Variants in BCAR3 observed in about 807,000 individuals in gnomAD.
BCAR3 encodes the protein BCAR3 adaptor protein, NSP family member.
A neutral mutation model predicts 80.1 loss-of-function variants in BCAR3; 37 were observed. The ratio of observed to expected loss-of-function variants is 0.46; its 90% CI spans 0.36 to 0.61. The LOEUF (loss-of-function observed/expected upper bound fraction) is 0.61, where lower values mean the gene tolerates loss of function less well. BCAR3 is among the 20% of genes least tolerant of loss of function. BCAR3 has a pLI of 0.00. For synonymous variants in BCAR3, 389 were observed against 418.9 expected (o/e 0.93, Z 0.87); for missense variants, 978 against 1,068.2 (o/e 0.92, Z 1.18).
At chr1:93,820,581 G>A (rs984256669) in intron 2 of BCAR3, among the ~76,000 whole-genome samples, 1 of 152,210 alleles carries the variant, frequency 6.6e-6, no homozygotes, top group Non-Finnish European at 1.5e-5. Flanking sequence ...CATAGGGCAA[G>A]GTATGTGGGA....
intron 2 of BCAR3, among the ~76,000 whole-genome samples, chr1:93,663,491 G>C (rs568078514): frequency 1.3e-5 from 2 of 152,180 alleles, no homozygotes; most frequent in Non-Finnish European, 2.9e-5. Context: ...ATGATACCTG[G>C]AAAGATGTTA....
At chr1:93,749,118 G>A (rs1004213968) in intron 2 of BCAR3, among the ~76,000 whole-genome samples, 2 of 151,268 alleles carry the variant, frequency 1.3e-5, no homozygotes, top group African/African-American at 4.9e-5. Context: ...TGGTATGTGT[G>A]TGGGCCCCCA....
At chr1:93,678,023 C>G (rs1648574626) in intron 1 of BCAR3, among the ~76,000 whole-genome samples, 1 of 152,152 alleles carries the variant, frequency 6.6e-6, no homozygotes, top group Admixed American at 6.5e-5. Flanking sequence ...CTATAAGGAC[C>G]AAAGCAAGGA....
At chr1:93,676,378 G>A (rs780969849) in intron 1 of BCAR3, among the ~76,000 whole-genome samples, 1 of 152,236 alleles carries the variant, frequency 6.6e-6, no homozygotes. Context: ...GCTTCCACAT[G>A]AGATAGGGGA....
At chr1:93,563,299 A>G (rs1045489967) in intron 11 of BCAR3, among the ~76,000 whole-genome samples, 1 of 152,224 alleles carries the variant, frequency 6.6e-6, no homozygotes, top group African/African-American at 2.4e-5. Flanking sequence ...AAATGGAATC[A>G]TCCACTATGA....
At position 93,691,503 on chromosome 1, in the gene BCAR3, A is replaced by T. The variant is rs78129607; in HGVS notation, c.-12+14589T>A. Among the ~76,000 whole-genome samples, 689 of 152,292 alleles carry T rather than the reference A, an allele frequency of 4.5e-3. 8 individuals are homozygous for T. The highest frequency in any genetic ancestry group is 0.016 in the African/African-American group (661 of 41,572). ...AGGAGTTATCATTCTACAAAGCAGG[A>T]CACAATCCACCCTGCAAGAGACAGG... On this transcript the variant is annotated intron_variant, in intron 3 of 13. Transcript: ENST00000370244.
At chr1:93,779,903 G>A (rs1191749983) in intron 2 of BCAR3, among the ~76,000 whole-genome samples, 2 of 152,062 alleles carry the variant, frequency 1.3e-5, no homozygotes, top group East Asian at 3.9e-4. Flanking sequence ...TTACAATTTG[G>A]GACCAGCTAA....
Position 93,592,521 on chromosome 1 carries a change from G to T in BCAR3, c.358-128C>A. ...AGCCTGCATTCAGGTAGGGGAGCCT[G>T]GATAATGATTACAAAGAGCTGTGAC... On this transcript the variant is annotated intron_variant, in intron 3 of 11. Coordinates refer to ENST00000260502, the MANE Select transcript of BCAR3 (RefSeq NM_003567.4). This position sits in a 1 kb window ranked among gnomAD's most constrained non-coding sequence, Gnocchi z 4.8. The T allele has an allele frequency of 7.8e-7, 1 of 1,275,020 alleles. No individual in the cohort carries two copies. Among genetic ancestry groups the T allele is most frequent in the African/African-American group, 1.5e-5 (1 of 66,162 alleles). 79.0% of individuals were successfully genotyped at this position (1,275,020 alleles called of 1,614,324 possible).
At position 93,678,245 on chromosome 1, in the gene BCAR3, A is replaced by G. The variant is rs186924255; in HGVS notation, c.-11-3304T>C. Among the ~76,000 whole-genome samples the G allele has an allele frequency of 1.7e-3, 263 of 152,332 alleles. 4 individuals are homozygous for G. Among genetic ancestry groups the G allele is most frequent in the Middle Eastern group, 0.01 (3 of 294 alleles). ...CTGGATTAGTGAGTCTTTTTGGTAC[A>G]CAGCAATTGAGTCATAATTGTTTAC... On this transcript the variant is annotated intron_variant, in intron 1 of 11. Transcript: ENST00000260502.
intron 2 of BCAR3, among the ~76,000 whole-genome samples, chr1:93,800,618 T>C (rs1244129852): frequency 6.6e-6 from 1 of 152,072 alleles, no homozygotes; most frequent in East Asian, 1.9e-4. Context: ...AAAGCAAGCA[T>C]CAAGTTCTTT....
chr1:93,574,404 T>C (rs935517678), intron 8 of BCAR3, among the ~76,000 whole-genome samples: 1 of 152,180 alleles, frequency 6.6e-6, no homozygotes, highest in African/African-American at 2.4e-5. Context: ...ATAAACACAT[T>C]GTAATTAATA....
intron 2 of BCAR3, among the ~76,000 whole-genome samples, chr1:93,767,761 A>G (rs1652205533): frequency 6.6e-6 from 1 of 152,232 alleles, no homozygotes; most frequent in South Asian, 2.1e-4. Flanking sequence ...CTAATGTAAC[A>G]GAAATATATA....
chr1:93,685,319 G>T (rs1648937229), upstream of BCAR3, among the ~76,000 whole-genome samples: 1 of 151,980 alleles, frequency 6.6e-6, no homozygotes, highest in Non-Finnish European at 1.5e-5. Context: ...TATTAGTACT[G>T]CTATTAATAT....
chr1:93,774,382 T>A (rs1652465440), intron 2 of BCAR3, among the ~76,000 whole-genome samples: 2 of 150,690 alleles, frequency 1.3e-5, no homozygotes, highest in Middle Eastern at 3.4e-3. Context: ...CACTCAGGAG[T>A]CTGAGGCAGG....
intron 2 of BCAR3, among the ~76,000 whole-genome samples, chr1:93,737,995 T>C (rs1365124986): frequency 6.6e-6 from 1 of 152,036 alleles, no homozygotes; most frequent in Non-Finnish European, 1.5e-5. Flanking sequence ...ATGCCAGCCT[T>C]ATTTTTTTAT....
intron 1 of BCAR3, chr1:93,846,868 A>G (rs1341667092): frequency 4.1e-6 from 2 of 483,244 alleles, no homozygotes; most frequent in South Asian, 1.5e-5. Flanking sequence ...GAGCCCGGAT[A>G]CCTCAGAAAT....
At chr1:93,585,579 A>G (rs1214132844) in intron 5 of BCAR3, among the ~76,000 whole-genome samples, 1 of 152,152 alleles carries the variant, frequency 6.6e-6, no homozygotes, top group African/African-American at 2.4e-5. Flanking sequence ...GCATGACATT[A>G]ATTCCCTGCT....
At chr1:93,598,552 G>A (rs1181349655) in intron 3 of BCAR3, among the ~76,000 whole-genome samples, 4 of 152,186 alleles carry the variant, frequency 2.6e-5, no homozygotes, top group African/African-American at 9.6e-5. Context: ...CTGCCAGTGG[G>A]GGATGGATGC....
intron 2 of BCAR3, among the ~76,000 whole-genome samples, chr1:93,643,331 C>T (rs1676048794): frequency 1.3e-5 from 2 of 151,358 alleles, no homozygotes; most frequent in African/African-American, 4.9e-5. Context: ...TGGAGACAAG[C>T]ATGACCAACA....
Sources: gnomAD v4.1 joint callset for allele counts (sites outside exome capture counted in the v4.1 genomes callset) on GRCh38, gnomAD v4.1.1 for gene constraint, Gnocchi (gnomAD v3.1) non-coding constraint, MANE v1.5 for transcripts, NCBI Gene and HGNC (gene_info 2026-07-23, HGNC 2026-07-21) for gene names.